ORC3: variants seen among roughly 807,000 people sequenced by gnomAD.
ORC3 encodes origin recognition complex subunit 3.
In ORC3, 78 loss-of-function variants were observed where a neutral mutation model predicts 100.7. The observed-to-expected ratio is 0.77, with a 90% confidence interval of 0.65 to 0.94. The LOEUF (loss-of-function observed/expected upper bound fraction) is 0.94, where lower values mean the gene tolerates loss of function less well. Among genes scored for constraint, ORC3 ranks in the 40% least tolerant of loss-of-function variants. The pLI, the probability that ORC3 is intolerant of heterozygous loss-of-function variation, is 0.00. For synonymous variants in ORC3, 295 were observed against 289.3 expected (o/e 1.02, Z -0.20); for missense variants, 789 against 823.9 (o/e 0.96, Z 0.52).
chr6:87,664,865 T>C lies in ORC3; in HGVS notation c.1950+6T>C, dbSNP rs1425640364. The C allele has an allele frequency of 6.4e-7, 1 of 1,552,292 alleles. No individual in the cohort carries two copies. Among genetic ancestry groups the C allele is most frequent in the East Asian group, 2.3e-5 (1 of 44,252 alleles). ...ACCTCGTGGACTGGTCAGAGGTAGG[T>C]TGTAGGGAAAAGAACAAGCTAGATA... On this transcript the variant is annotated splice_donor_region_variant and intron_variant, in intron 18 of 19. Coordinates refer to ENST00000392844, the MANE Select transcript of ORC3 (RefSeq NM_012381.4).
intron 13 of ORC3, among the ~76,000 whole-genome samples, chr6:87,652,078 TTAGTAGAGACGAGGTTTCACCGTGG>T (rs1769320181): frequency 6.6e-6 from 1 of 152,002 alleles, no homozygotes. Context: ...TTTTATAATT[TTAGTAGAGACGAGGTTTCACCGTGG>T]TAGCCAGGAT....
At chr6:87,640,744 G>A (rs901910527) in intron 13 of ORC3, among the ~76,000 whole-genome samples, 1 of 152,146 alleles carries the variant, frequency 6.6e-6, no homozygotes, top group Non-Finnish European at 1.5e-5. Context: ...TGCTAGGCCA[G>A]TAATTTTTCA....
chr6:87,660,795 T>C (rs1462344544), intron 16 of ORC3, among the ~76,000 whole-genome samples: 1 of 152,362 alleles, frequency 6.6e-6, no homozygotes, highest in Admixed American at 6.5e-5. Flanking sequence ...CATAATGCAG[T>C]GCTTTAGTGC....
intron 15 of ORC3, among the ~76,000 whole-genome samples, chr6:87,657,604 G>T (rs2128292692): frequency 6.6e-6 from 1 of 152,244 alleles, no homozygotes; most frequent in African/African-American, 2.4e-5. Flanking sequence ...TCTTTATCCT[G>T]TTAAGTCCTT....
At chr6:87,591,251 G>A (rs1314629236) in intron 1 of ORC3, among the ~76,000 whole-genome samples, 3 of 152,176 alleles carry the variant, frequency 2.0e-5, no homozygotes, top group East Asian at 3.8e-4. Flanking sequence ...TAAGTGCAGC[G>A]GGAAGCCCCT....
At position 87,612,157 on chromosome 6, in the gene ORC3, G is replaced by A. The variant is rs146446780; in HGVS notation, c.782G>A (p.Arg261Gln). The change falls in exon 8 of 20, where the codon CGA becomes CAA. Residue 261 changes from arginine to glutamine, a missense_variant. By Grantham distance (43) the Arg-to-Gln change is conservative (BLOSUM62 1). Transcript: ENST00000392844. ...GIATSPIIIHRLLPHAVSSLL... is the reference protein window; with the variant it reads ...GIATSPIIIHQLLPHAVSSLL... ...GCCACATCTCCTATTATCATCCACC[G>A]ATTGCTTCCTCATGCAGTATCATCT... 1.7e-4 allele frequency: 274 copies of A among 1,613,294 alleles called. 1 individual carries two copies. The East Asian group carries it at 5.7e-3, about 34-fold the overall frequency.
At chr6:87,625,062 A>G (rs868082807) in intron 11 of ORC3, among the ~76,000 whole-genome samples, 1 of 152,162 alleles carries the variant, frequency 6.6e-6, no homozygotes, top group African/African-American at 2.4e-5. Flanking sequence ...TCCATGGTGT[A>G]TATGTGCCAC....
chr6:87,608,182 T>C (rs995930506), intron 6 of ORC3, among the ~76,000 whole-genome samples: 2 of 152,230 alleles, frequency 1.3e-5, no homozygotes, highest in African/African-American at 2.4e-5. Context: ...AATGTTTGCT[T>C]TGTCCAATAG....
chr6:87,644,530 G>C (rs1768589989), intron 13 of ORC3, among the ~76,000 whole-genome samples: 1 of 152,068 alleles, frequency 6.6e-6, no homozygotes, highest in African/African-American at 2.4e-5. Context: ...GTGAAACCCT[G>C]TCTGTACTAA....
chr6:87,609,358 A>G (rs1474371697), intron 7 of ORC3, 129 bp downstream of exon 7: 4 of 629,322 alleles, frequency 6.4e-6, no homozygotes, highest in Non-Finnish European at 2.5e-6. Flanking sequence ...ATTCTTTATA[A>G]TTGAATATTC....
chr6:87,652,700 C>T (rs1367585067), intron 13 of ORC3, among the ~76,000 whole-genome samples: 1 of 152,194 alleles, frequency 6.6e-6, no homozygotes, highest in Non-Finnish European at 1.5e-5. Flanking sequence ...CATTAAATGC[C>T]TACTGTGTGG....
rs142064431 is a variant in ORC3 at position 87,607,900 on chromosome 6, C to T, written c.579+76C>T. On this transcript the variant is annotated intron_variant, in intron 6 of 19. Transcript: ENST00000392844. ...TGGCTTGGAATAATATTAGACAGTA[C>T]TGTTTTGATCTAACAAGGATATGTT... The T allele has an allele frequency of 3.6e-4, 339 of 931,146 alleles. 2 individuals carry two copies. In the East Asian group the frequency reaches 7.8e-3, roughly 21 times the overall value. The allele number at this position is 931,146 out of a possible 1,614,324, so 57.7% of individuals were successfully genotyped here. A position where few individuals can be genotyped will look rare whatever the true frequency, so the allele number is the denominator to read the frequency against.
At chr6:87,636,215 A>C (rs1377122598) in intron 12 of ORC3, among the ~76,000 whole-genome samples, 192 bp from the exon 13 acceptor site, 2 of 152,170 alleles carry the variant, frequency 1.3e-5, no homozygotes, top group African/African-American at 4.8e-5. Context: ...TACAGGCGTG[A>C]GCCACCGCGC....
chr6:87,639,446 G>C (rs1478686779), intron 13 of ORC3, among the ~76,000 whole-genome samples: 1 of 152,144 alleles, frequency 6.6e-6, no homozygotes, highest in Non-Finnish European at 1.5e-5. Context: ...GAGAGAAGGG[G>C]CCCTCCCAGC....
chr6:87,654,409 A>G (rs1232139238), intron 14 of ORC3, among the ~76,000 whole-genome samples: 2 of 152,226 alleles, frequency 1.3e-5, no homozygotes, highest in East Asian at 3.8e-4. Flanking sequence ...CCACTGCAGC[A>G]TGAACTCAAC....
chr6:87,599,865 C>T (rs9444521), intron 2 of ORC3, among the ~76,000 whole-genome samples: 49,021 of 151,794 alleles, frequency 0.32, 8,003 homozygotes, highest in Admixed American at 0.41. Context: ...CCCAGCTACT[C>T]GGGAGGCTGA....
intron 13 of ORC3, among the ~76,000 whole-genome samples, chr6:87,637,215 GA>G: frequency 6.6e-6 from 1 of 152,262 alleles, no homozygotes. Context: ...TCTGAAAACT[GA>G]ATATTTATTA....
chr6:87,595,473 G>A (rs1207751876), intron 2 of ORC3: 1 of 152,142 alleles, frequency 6.6e-6, no homozygotes, highest in African/African-American at 2.4e-5. Context: ...TGTGTTCCAA[G>A]ACTCCTATCT....
chr6:87,621,905 A>G (rs1434579968), intron 10 of ORC3, 45 bp from the exon 11 acceptor site: 1 of 1,306,202 alleles, frequency 7.7e-7, no homozygotes, highest in Non-Finnish European at 1.1e-6. Context: ...AATATGTTGA[A>G]TGTTTAATTT....
Sources: gnomAD v4.1 joint callset for allele counts (sites outside exome capture counted in the v4.1 genomes callset) on GRCh38, gnomAD v4.1.1 for gene constraint, MANE v1.5 for transcripts, NCBI Gene and HGNC (gene_info 2026-07-23, HGNC 2026-07-21) for gene names.